CENPC: variants seen among roughly 807,000 people sequenced by gnomAD.
CENPC encodes CENP-C 1.
Under a neutral mutation model 112.1 loss-of-function variants are expected in CENPC, and 63 were observed. The ratio of observed to expected loss-of-function variants is 0.56; its 90% CI spans 0.46 to 0.69. CENPC has a LOEUF of 0.69. CENPC is among the 30% of genes least tolerant of loss of function. The pLI, the probability that CENPC is intolerant of heterozygous loss-of-function variation, is 0.00. For missense variants in CENPC, 1,000 were observed against 1,103.8 expected, an observed-to-expected ratio of 0.91 and a Z score of 1.33; for synonymous variants, 333 against 367.6, an observed-to-expected ratio of 0.91 and a Z score of 1.08.
intron 7 of CENPC, among the ~76,000 whole-genome samples, chr4:67,515,037 T>A (rs942369334): frequency 6.7e-6 from 1 of 150,126 alleles, no homozygotes; most frequent in Admixed American, 6.7e-5. Flanking sequence ...CTATTATATA[T>A]AATCTTATAT....
chr4:67,543,008 C>A (rs1290683146), intron 2 of CENPC, among the ~76,000 whole-genome samples: 1 of 152,162 alleles, frequency 6.6e-6, no homozygotes, highest in Admixed American at 6.5e-5. Context: ...AGCATAAAAG[C>A]ACCTCCACCA....
At chr4:67,539,502 T>G (rs1332595821) in intron 4 of CENPC, among the ~76,000 whole-genome samples, 1 of 152,152 alleles carries the variant, frequency 6.6e-6, no homozygotes, top group Admixed American at 6.5e-5. Flanking sequence ...AACAATGAAG[T>G]GCCTTCATTT....
chr4:67,512,281 G>A (rs1560432913), intron 9 of CENPC, 121 bp downstream of exon 9: 3 of 679,116 alleles, frequency 4.4e-6, no homozygotes, highest in East Asian at 5.9e-5. Flanking sequence ...TATTCCTTTT[G>A]ATGACCCAAT....
At chr4:67,501,637 C>G (rs559216638) in intron 12 of CENPC, among the ~76,000 whole-genome samples, 1 of 152,268 alleles carries the variant, frequency 6.6e-6, no homozygotes, top group Non-Finnish European at 1.5e-5. Flanking sequence ...CTAGTGAAAT[C>G]TGAATGGAGT....
At chr4:67,474,426 G>T (rs564727768) in intron 18 of CENPC, among the ~76,000 whole-genome samples, 4 of 152,108 alleles carry the variant, frequency 2.6e-5, no homozygotes, top group Admixed American at 6.5e-5. Flanking sequence ...CTAATTGGTT[G>T]GGCACTGTGG....
At position 67,530,916 on chromosome 4, in the gene CENPC, T is replaced by A. The variant is rs1374758657; in HGVS notation, c.232-2A>T. The A allele has an allele frequency of 1.3e-6, 2 of 1,517,692 alleles. No homozygotes were observed. Among genetic ancestry groups the A allele is most frequent in the Non-Finnish European group, 1.8e-6 (2 of 1,102,840 alleles). 94.0% of individuals were successfully genotyped at this position (1,517,692 alleles called of 1,614,324 possible). ...TGACTTTGGATGTGATTTCTGGCACTGAGCACAGAAGAAATACAACATTAG... is the reference window on the plus strand; with the variant it reads ...TGACTTTGGATGTGATTTCTGGCACAGAGCACAGAAGAAATACAACATTAG... On this transcript the variant is annotated splice_acceptor_variant, in intron 4 of 18. Transcript: ENST00000273853. LOFTEE classifies it high-confidence loss of function.
At chr4:67,491,628 C>T (rs1474529743) in intron 16 of CENPC, among the ~76,000 whole-genome samples, 1 of 150,220 alleles carries the variant, frequency 6.7e-6, no homozygotes, top group Admixed American at 6.6e-5. Flanking sequence ...ATATTTAATC[C>T]AATACAGCAG....
intron 12 of CENPC, among the ~76,000 whole-genome samples, chr4:67,499,401 G>T (rs201095246): frequency 6.6e-6 from 1 of 152,186 alleles, no homozygotes; most frequent in East Asian, 1.9e-4. Flanking sequence ...AGATTTTCTG[G>T]ATAACTTGCT....
At chr4:67,523,404 G>A (rs1726286904) in intron 5 of CENPC, among the ~76,000 whole-genome samples, 1 of 152,146 alleles carries the variant, frequency 6.6e-6, no homozygotes. Context: ...GTTTTCCACA[G>A]GATATGAGTC....
intron 4 of CENPC, among the ~76,000 whole-genome samples, chr4:67,532,810 C>T (rs1332964938): frequency 2.6e-5 from 4 of 152,044 alleles, no homozygotes; most frequent in Admixed American, 1.3e-4. Flanking sequence ...GACGAGTTAA[C>T]GGGTGCAGCA....
chr4:67,532,753 A>AG (rs1261308612), intron 4 of CENPC, among the ~76,000 whole-genome samples: 1 of 145,358 alleles, frequency 6.9e-6, no homozygotes, highest in Admixed American at 6.9e-5. Context: ...GCTGGGGGGT[A>AG]GGGGGAGGGG....
rs987239057 is a variant in CENPC, at chr4:67,474,989, A to T, written c.2671-11T>A. Reference sequence around the variant, plus strand: ...GTTAACATAAAAAACCTGTAAAAATAAAAATAAAAATCTCATTCAAAACTG... The same window carrying T: ...GTTAACATAAAAAACCTGTAAAAATTAAAATAAAAATCTCATTCAAAACTG... On this transcript the variant is annotated splice_polypyrimidine_tract_variant and intron_variant, in intron 17 of 18. Coordinates refer to ENST00000273853, the MANE Select transcript of CENPC (RefSeq NM_001812.4). 71 of 1,406,242 alleles carry T rather than the reference A, an allele frequency of 5.0e-5. No individual in the cohort carries two copies. The highest frequency in any genetic ancestry group is 6.9e-5 in the Non-Finnish European group (71 of 1,030,854). 87.1% of individuals were successfully genotyped at this position (1,406,242 alleles called of 1,614,324 possible). A position where few individuals can be genotyped will look rare whatever the true frequency, so the allele number is the denominator to read the frequency against.
chr4:67,479,106 G>A (rs1413431291), intron 17 of CENPC, among the ~76,000 whole-genome samples: 3 of 149,676 alleles, frequency 2.0e-5, no homozygotes, highest in Admixed American at 6.7e-5. Flanking sequence ...CGAGATAGAC[G>A]GCAACACACT....
chr4:67,534,274 G>C (rs1726647368), intron 4 of CENPC, among the ~76,000 whole-genome samples: 1 of 151,966 alleles, frequency 6.6e-6, no homozygotes, highest in African/African-American at 2.4e-5. Context: ...AAATTAACCA[G>C]GAATGGTGGC....
chr4:67,536,329 A>G (rs1448846732), intron 4 of CENPC, among the ~76,000 whole-genome samples: 5 of 152,234 alleles, frequency 3.3e-5, no homozygotes, highest in Admixed American at 3.3e-4. Context: ...ATCCCCACCA[A>G]AACAGCTCCA....
intron 3 of CENPC, among the ~76,000 whole-genome samples, chr4:67,540,635 A>C (rs1017330673): frequency 1.3e-5 from 2 of 152,230 alleles, no homozygotes; most frequent in Non-Finnish European, 2.9e-5. Flanking sequence ...GCACCACTGT[A>C]CTACAGCTTG....
At chr4:67,505,152 C>T in intron 12 of CENPC, 53 bp downstream of exon 12, 4 of 1,256,122 alleles carry the variant, frequency 3.2e-6, no homozygotes, top group Non-Finnish European at 4.5e-6. Context: ...GCACTCCTTA[C>T]TCCATATTCA....
chr4:67,509,103 G>A lies in CENPC; in HGVS notation c.1615C>T (p.Pro539Ser). The A allele has an allele frequency of 6.3e-7, 1 of 1,598,986 alleles. No individual in the cohort carries two copies. Among genetic ancestry groups the A allele is most frequent in the Non-Finnish European group, 8.5e-7 (1 of 1,174,862 alleles). ...DWWVVKSEES[P>S]VYSNSSVRNE... ...CTTACTGAAGAATTGCTATAAACAG[G>A]ACCTGAAGGATTCAATGATAACCTA... Residue 539 changes from proline (P) to serine (S), a missense_variant and splice_region_variant, in exon 10 of 19, where the codon CCT (proline) becomes TCT (serine). Coordinates refer to ENST00000273853, the MANE Select transcript of CENPC (RefSeq NM_001812.4).
intron 5 of CENPC, 39 bp from the exon 6 acceptor site, chr4:67,519,541 G>T: frequency 7.8e-7 from 1 of 1,276,646 alleles, no homozygotes; most frequent in Non-Finnish European, 1.0e-6. Context: ...TCAATTAAAA[G>T]AATAATAAGA....
Sources: gnomAD v4.1 joint callset for allele counts (sites outside exome capture counted in the v4.1 genomes callset) on GRCh38, gnomAD v4.1.1 for gene constraint, MANE v1.5 for transcripts, NCBI Gene and HGNC (gene_info 2026-07-23, HGNC 2026-07-21) for gene names.